Variants in OTOGL observed in about 807,000 individuals in gnomAD.
The protein encoded by OTOGL is otogelin-like protein.
OTOGL carries 285 observed loss-of-function variants against 318.5 expected under a neutral mutation model. The observed-to-expected ratio is 0.89, with a 90% CI of 0.81 to 0.99. The LOEUF is 0.99. Among genes scored for constraint, OTOGL ranks in the 50% least tolerant of loss-of-function variants. The pLI, the probability that OTOGL is intolerant of heterozygous loss-of-function variation, is 0.00. For missense variants in OTOGL, 2,899 were observed against 2,845.6 expected (o/e 1.02, Z -0.43); for synonymous variants, 987 against 936.5 (o/e 1.05, Z -0.99).
At position 80,248,898 on chromosome 12, in the gene OTOGL, A is replaced by G. The variant is rs1249881368; in HGVS notation, c.1053-2795A>G. 3.4e-3 allele frequency among the ~76,000 whole-genome samples: 483 copies of G among 142,506 alleles called. 1 individual carries two copies. Among genetic ancestry groups the G allele is most frequent in the African/African-American group, 0.014 (453 of 33,338 alleles). The allele number at this position is 142,506 out of a possible 152,430, so 93.5% of individuals were successfully genotyped here. A position where few individuals can be genotyped will look rare whatever the true frequency, so the allele number is the denominator to read the frequency against. On this transcript the variant is annotated intron_variant, in intron 11 of 58. Coordinates refer to ENST00000547103, the MANE Select transcript of OTOGL (RefSeq NM_001378609.3). Reference sequence around the variant, plus strand: ...CTTTTTTCTCTAAACTTCCCTTCTCACTTCATTTCATTCATTTCATCTTCC... The same window carrying G: ...CTTTTTTCTCTAAACTTCCCTTCTCGCTTCATTTCATTCATTTCATCTTCC...
chr12:80,135,775 C>T (rs773141398), intron 1 of OTOGL, among the ~76,000 whole-genome samples: 3 of 152,142 alleles, frequency 2.0e-5, no homozygotes, highest in Non-Finnish European at 4.4e-5. Context: ...GATATTTAAA[C>T]TGGTAAACTT....
chr12:80,263,933 A>G (rs923848429), intron 19 of OTOGL, among the ~76,000 whole-genome samples: 19 of 152,230 alleles, frequency 1.2e-4, no homozygotes, highest in Admixed American at 4.6e-4. Context: ...TAAACAGTAT[A>G]CTGCTATAGT....
At chr12:80,137,049 C>T (rs1871621846) in intron 1 of OTOGL, among the ~76,000 whole-genome samples, 1 of 152,108 alleles carries the variant, frequency 6.6e-6, no homozygotes, top group African/African-American at 2.4e-5. Context: ...GTTTTCTGAT[C>T]GGTTTCAGAA....
intron 29 of OTOGL, among the ~76,000 whole-genome samples, chr12:80,310,196 G>A (rs1886537969): frequency 1.3e-5 from 2 of 152,172 alleles, no homozygotes; most frequent in East Asian, 3.9e-4. Flanking sequence ...AAGGGTATTA[G>A]GGGAGGAAGA....
chr12:80,133,490 TG>T (rs1871360251), intron 1 of OTOGL: 2 of 152,216 alleles, frequency 1.3e-5, no homozygotes, highest in Admixed American at 1.3e-4. Flanking sequence ...CTTTATTTTT[TG>T]TTACTCAGGG....
rs574152926 is a variant in OTOGL, at chr12:80,246,240, C to T, written c.1053-5453C>T. Among the ~76,000 whole-genome samples, 53 of 149,322 alleles carry T rather than the reference C, an allele frequency of 3.5e-4. 5 individuals carry two copies. The highest frequency in any genetic ancestry group is 1.1e-3 in the African/African-American group (44 of 38,714). On this transcript the variant is annotated intron_variant, in intron 11 of 58. Coordinates refer to ENST00000547103, the MANE Select transcript of OTOGL (RefSeq NM_001378609.3). ...GAGAGAGAGCATCCCTGTCTTGTGC[C>T]GGTTTTCAAAGGGAATGCTTCCAGT...
chr12:80,126,510 T>G lies in OTOGL; in HGVS notation c.-20+26905T>G, dbSNP rs1437308246. On this transcript the variant is annotated intron_variant, in intron 1 of 58. Transcript: ENST00000547103. Reference sequence around the variant, plus strand: ...GTGGTGTGGTGCTGAAAAGAATGTATATTCTGTTGATTTGGGGTGGAGAGT... The same window carrying G: ...GTGGTGTGGTGCTGAAAAGAATGTAGATTCTGTTGATTTGGGGTGGAGAGT... 5.3e-5 allele frequency among the ~76,000 whole-genome samples: 8 copies of G among 152,188 alleles called. No homozygotes were observed. The East Asian group carries it at 1.3e-3, about 26-fold the overall frequency.
chr12:80,203,966 A>G (rs1876636710), intron 1 of OTOGL, among the ~76,000 whole-genome samples: 1 of 152,188 alleles, frequency 6.6e-6, no homozygotes, highest in South Asian at 2.1e-4. Flanking sequence ...AGTAAAGCTG[A>G]TAAGTTTATC....
chr12:80,145,144 T>C (rs1440896601), intron 1 of OTOGL, among the ~76,000 whole-genome samples: 1 of 151,364 alleles, frequency 6.6e-6, no homozygotes, highest in Non-Finnish European at 1.5e-5. Context: ...GCCTATGTCC[T>C]GAATGGTATT....
chr12:80,279,274 A>G (rs1884038663), intron 26 of OTOGL, 108 bp downstream of exon 26: 3 of 1,137,592 alleles, frequency 2.6e-6, no homozygotes, highest in Non-Finnish European at 3.6e-6. Flanking sequence ...TATAAAACCT[A>G]TAAAACAATT....
Position 80,252,300 on chromosome 12 carries a change from T to C in OTOGL, c.1285+99T>C. ...GTTTTGCTGTCCTTTCCCAGTACAT[T>C]GGACCTATTGCAATTTTCTGTTCTT... is the stretch of plus-strand genomic sequence containing the variant. On this transcript the variant is annotated intron_variant, in intron 13 of 58. Transcript: ENST00000547103. 4 of 1,258,858 alleles carry C rather than the reference T, an allele frequency of 3.2e-6. 1 individual carries two copies. The highest frequency in any genetic ancestry group is 2.9e-5 in the East Asian group (1 of 33,988). The allele number at this position is 1,258,858 out of a possible 1,614,324, so 78.0% of individuals were successfully genotyped here.
chr12:80,329,052 T>C lies in OTOGL; in HGVS notation c.4281T>C (p.Cys1427=), dbSNP rs2137878344. 1.3e-6 allele frequency: 2 copies of C among 1,586,062 alleles called. No homozygotes were observed. Among genetic ancestry groups the C allele is most frequent in the African/African-American group, 1.4e-5 (1 of 73,600 alleles). ...AAGAGCACCTTTGTTTCTTTGTAGG[T>C]ATACCTGTGATTCCCACAGAACCAA... ...VTLKCVYPRD[C]IPVIPTEPTL... is the part of the protein sequence containing the mutation. Residue 1427 remains cysteine (C), a splice_region_variant and synonymous_variant, in exon 37 of 59, where the codon TGT becomes TGC. Coordinates refer to ENST00000547103, the MANE Select transcript of OTOGL (RefSeq NM_001378609.3).
intron 1 of OTOGL, among the ~76,000 whole-genome samples, chr12:80,120,375 A>C (rs1870417150): frequency 6.6e-6 from 1 of 152,016 alleles, no homozygotes; most frequent in African/African-American, 2.4e-5. Flanking sequence ...CATCACATTC[A>C]CCTTGTGAAT....
chr12:80,259,279 G>T (rs1882324235), intron 18 of OTOGL, among the ~76,000 whole-genome samples: 1 of 151,208 alleles, frequency 6.6e-6, no homozygotes, highest in Non-Finnish European at 1.5e-5. Flanking sequence ...GTTCACTGTG[G>T]GCTGGGCAGC....
intron 1 of OTOGL, among the ~76,000 whole-genome samples, chr12:80,139,053 G>A (rs1321291580): frequency 6.6e-6 from 1 of 152,108 alleles, no homozygotes; most frequent in Non-Finnish European, 1.5e-5. Context: ...CCTATATGTG[G>A]CCAATCAGAT....
chr12:80,213,917 G>A (rs1168505342), intron 4 of OTOGL, among the ~76,000 whole-genome samples: 3 of 152,198 alleles, frequency 2.0e-5, no homozygotes, highest in African/African-American at 7.2e-5. Flanking sequence ...GCACCAATGG[G>A]TAGATAAGTG....
intron 1 of OTOGL, among the ~76,000 whole-genome samples, chr12:80,129,383 A>G (rs1451664508): frequency 6.6e-6 from 1 of 152,156 alleles, no homozygotes. Context: ...ATATTTTTCT[A>G]TGTTTATGAG....
chr12:80,198,183 C>A (rs1400166973), intron 1 of OTOGL, among the ~76,000 whole-genome samples: 2 of 152,192 alleles, frequency 1.3e-5, no homozygotes, highest in African/African-American at 4.8e-5. Context: ...GGAGTAGAAG[C>A]TTTTTCAGAG....
chr12:80,254,416 C>A lies in OTOGL; in HGVS notation c.1395-108C>A. On this transcript the variant is annotated intron_variant, in intron 14 of 58. Transcript: ENST00000547103. ...AGAGATTTTTTTAAGTCAGATTATT[C>A]TGAACCTATAAACATGATATATTTT... The A allele has an allele frequency of 9.2e-6, 6 of 650,830 alleles. No homozygotes were observed. In the South Asian group the frequency reaches 9.8e-5, roughly 11 times the overall value. The allele number at this position is 650,830 out of a possible 1,614,324, so 40.3% of individuals were successfully genotyped here. A position where few individuals can be genotyped will look rare whatever the true frequency, so the allele number is the denominator to read the frequency against.
Sources: allele counts gnomAD v4.1 joint callset (sites outside exome capture counted in the v4.1 genomes callset), GRCh38; gene constraint gnomAD v4.1.1; transcripts MANE v1.5; gene names NCBI Gene and HGNC (gene_info 2026-07-23, HGNC 2026-07-21).